Variants in IQCE observed in about 807,000 individuals in gnomAD.
The protein encoded by IQCE is IQ motif containing E, also known as IQ domain-containing protein E.
A neutral mutation model predicts 96.0 loss-of-function variants in IQCE; 115 were observed. The ratio of observed to expected loss-of-function variants is 1.20; its 90% CI spans 1.03 to 1.40. IQCE has a LOEUF of 1.40. Among genes scored for constraint, IQCE ranks in the 40% most tolerant of loss-of-function variants. IQCE has a pLI of 0.00. For missense variants in IQCE, 1,041 were observed against 909.1 expected (o/e 1.15, Z -1.87); for synonymous variants, 412 against 371.2 (o/e 1.11, Z -1.26).
At chr7:2,576,269 G>A (rs1782117234) in intron 6 of IQCE, among the ~76,000 whole-genome samples, 1 of 152,160 alleles carries the variant, frequency 6.6e-6, no homozygotes, top group Admixed American at 6.5e-5. Context: ...CTGGGAGCTG[G>A]TGAGCTGCGG....
intron 11 of IQCE, chr7:2,584,501 G>A (rs1037801659): frequency 3.1e-5 from 18 of 579,828 alleles, no homozygotes; most frequent in Non-Finnish European, 5.0e-5. Flanking sequence ...GATGGCCAAC[G>A]CGTGTTCAAT....
At chr7:2,574,535 C>T (rs62442629) in intron 6 of IQCE, among the ~76,000 whole-genome samples, 20,479 of 152,194 alleles carry the variant, frequency 0.13, 1,517 homozygotes, top group African/African-American at 0.15. Context: ...GCACAGGTGG[C>T]AGCTGTGTGT....
In IQCE at chr7:2,578,809, C is replaced by T. The variant is rs75798776; in HGVS notation, c.630+283C>T. On this transcript the variant is annotated intron_variant, in intron 8 of 21. Transcript: ENST00000402050. ...AATACATTAAGCTTAACAAGCGCTC[C>T]CAGCGCTTTGGGAGGCCGAGGCAGG... Among the ~76,000 whole-genome samples the T allele has an allele frequency of 5.8e-3, 883 of 152,276 alleles. 10 individuals are homozygous for T. The highest frequency in any genetic ancestry group is 0.02 in the African/African-American group (842 of 41,546).
chr7:2,562,016 T>C lies in IQCE; in HGVS notation c.36+2799T>C, dbSNP rs908941866. 9.2e-5 allele frequency among the ~76,000 whole-genome samples: 14 copies of C among 152,224 alleles called. No individual in the cohort carries two copies. The East Asian group carries it at 2.5e-3, about 27-fold the overall frequency. On this transcript the variant is annotated intron_variant, in intron 1 of 21. Transcript: ENST00000402050. ...ACATTCCGTCTTCCTCTGTTAAATATTGTGTTGCCCTGGATTTTTGTAGAT... is the reference window on the plus strand; with the variant it reads ...ACATTCCGTCTTCCTCTGTTAAATACTGTGTTGCCCTGGATTTTTGTAGAT...
At chr7:2,607,375 C>T in intron 21 of IQCE, 148 bp downstream of exon 21, 2 of 1,393,322 alleles carry the variant, frequency 1.4e-6, no homozygotes, top group South Asian at 1.6e-5. Flanking sequence ...TAAGCGTCGC[C>T]TTATGCCAGG....
At chr7:2,576,900 C>T (rs899668052) in intron 6 of IQCE, among the ~76,000 whole-genome samples, 1 of 152,170 alleles carries the variant, frequency 6.6e-6, no homozygotes, top group African/African-American at 2.4e-5. Flanking sequence ...TGGGAGAAAA[C>T]GCGTGGTGCG....
chr7:2,590,379 C>T (rs995439349), intron 14 of IQCE, among the ~76,000 whole-genome samples: 1 of 152,230 alleles, frequency 6.6e-6, no homozygotes, highest in Non-Finnish European at 1.5e-5. Context: ...ATTTGGAAAA[C>T]TGTTCAGCTC....
Position 2,610,266 on chromosome 7 carries a change from AC to A in IQCE, c.*105del. On this transcript the variant is annotated 3_prime_UTR_variant, in exon 22 of 22. Transcript: ENST00000402050. ...TGTTAGGAGAAGAACGATGATACCTACTTAACACCTCAGCATCTGCGTCGTG... is the reference window on the plus strand; with the variant it reads ...TGTTAGGAGAAGAACGATGATACCTATTAACACCTCAGCATCTGCGTCGTG... 1 of 747,428 alleles carries A rather than the reference AC, an allele frequency of 1.3e-6. No individual in the cohort carries two copies. Among genetic ancestry groups the A allele is most frequent in the Non-Finnish European group, 2.4e-6 (1 of 412,754 alleles). The allele number at this position is 747,428 out of a possible 1,614,324, so 46.3% of individuals were successfully genotyped here. A position where few individuals can be genotyped will look rare whatever the true frequency, so the allele number is the denominator to read the frequency against.
At chr7:2,595,973 G>T (rs1784007324) in intron 16 of IQCE, among the ~76,000 whole-genome samples, 1 of 152,250 alleles carries the variant, frequency 6.6e-6, no homozygotes, top group South Asian at 2.1e-4. Context: ...TGGTAGAAGG[G>T]CGTCCTCACA....
intron 19 of IQCE, among the ~76,000 whole-genome samples, chr7:2,605,209 T>A (rs924535501): frequency 1.6e-4 from 24 of 152,230 alleles, no homozygotes; most frequent in Non-Finnish European, 3.2e-4. Context: ...AGGGCCAGAT[T>A]GCGTTAAGCT....
At chr7:2,578,116 G>C in intron 6 of IQCE, 126 bp from the exon 7 acceptor site, 1 of 695,312 alleles carries the variant, frequency 1.4e-6, no homozygotes. Flanking sequence ...GTGCGTGGCT[G>C]TGCGCGTGGG....
At chr7:2,592,891 G>T in intron 14 of IQCE, 131 bp from the exon 15 acceptor site, 1 of 969,592 alleles carries the variant, frequency 1.0e-6, no homozygotes, top group Admixed American at 2.4e-5. Flanking sequence ...TGGGCCTTTT[G>T]TGCTCCTCCT....
chr7:2,589,906 G>T lies in IQCE; in HGVS notation c.1045-1G>T, dbSNP rs558270587. ...CTAACACATGTCTGTGTTGCCTCCA[G>T]AAACTAAGTGTGATGGAGAGCTCAA... is the stretch of plus-strand genomic sequence containing the variant. On this transcript the variant is annotated splice_acceptor_variant, in intron 13 of 21. Transcript: ENST00000402050. LOFTEE classifies it high-confidence loss of function. 3.0e-5 allele frequency: 48 copies of T among 1,613,620 alleles called. No individual in the cohort carries two copies. Among genetic ancestry groups the T allele is most frequent in the Admixed American group, 1.7e-5 (1 of 60,028 alleles).
At chr7:2,575,591 TC>T (rs1307237672) in intron 6 of IQCE, among the ~76,000 whole-genome samples, 5 of 152,052 alleles carry the variant, frequency 3.3e-5, no homozygotes, top group African/African-American at 4.8e-5. Context: ...GTGTCTGGGC[TC>T]CCCACACAGC....
chr7:2,563,375 T>TTGTGTGTGTGTG (rs143397539), intron 1 of IQCE, among the ~76,000 whole-genome samples: 62 of 135,678 alleles, frequency 4.6e-4, no homozygotes, highest in African/African-American at 1.2e-3. Flanking sequence ...TAATTTTTTG[T>TTGTGTGTGTGTG]TGTGTGTGTG....
chr7:2,559,309 C>T, intron 1 of IQCE, 92 bp downstream of exon 1: 3 of 712,896 alleles, frequency 4.2e-6, no homozygotes, highest in Non-Finnish European at 5.7e-6. Context: ...CGCGCAGGGG[C>T]CGGCCCGGGG....
At chr7:2,589,122 C>T (rs1416774610) in intron 13 of IQCE, among the ~76,000 whole-genome samples, 5 of 152,122 alleles carry the variant, frequency 3.3e-5, no homozygotes, top group African/African-American at 9.7e-5. Context: ...AATCCCAGTA[C>T]TTTGGGAGGC....
intron 1 of IQCE, among the ~76,000 whole-genome samples, chr7:2,566,173 G>A (rs547896794): frequency 1.3e-5 from 2 of 152,170 alleles, no homozygotes; most frequent in African/African-American, 2.4e-5. Context: ...TCCAGTGTCC[G>A]CATTGGAAAG....
At chr7:2,603,486 G>T (rs997870031) in intron 18 of IQCE, among the ~76,000 whole-genome samples, 3 of 152,046 alleles carry the variant, frequency 2.0e-5, no homozygotes, top group African/African-American at 7.2e-5. Flanking sequence ...TCTCCCTGGC[G>T]CCCCCCATGC....
Sources: allele counts gnomAD v4.1 joint callset (sites outside exome capture counted in the v4.1 genomes callset), GRCh38; gene constraint gnomAD v4.1.1; transcripts MANE v1.5; gene names NCBI Gene and HGNC (gene_info 2026-07-23, HGNC 2026-07-21).